Variants in TFDP2 observed in about 807,000 individuals in gnomAD.
The protein encoded by TFDP2 is transcription factor Dp-2 (E2F dimerization partner 2).
TFDP2 carries 17 observed loss-of-function variants against 59.3 expected under a neutral mutation model. The observed-to-expected ratio is 0.29, with a 90% CI of 0.20 to 0.43. The LOEUF (loss-of-function observed/expected upper bound fraction) is 0.43. TFDP2 is among the 20% of genes least tolerant of loss of function. The probability of loss-of-function intolerance (pLI) is 1.00; values close to 1 mark genes in which losing one functional copy is unlikely to be tolerated. For synonymous variants in TFDP2, 180 were observed against 194.7 expected, an observed-to-expected ratio of 0.92 and a Z score of 0.63; for missense variants, 391 against 528.8, an observed-to-expected ratio of 0.74 and a Z score of 2.56.
intron 3 of TFDP2, among the ~76,000 whole-genome samples, chr3:142,005,825 CAGTT>C (rs1373167154): frequency 1.3e-5 from 2 of 152,220 alleles, no homozygotes; most frequent in East Asian, 1.9e-4. Flanking sequence ...ACGAAACTTT[CAGTT>C]AGTCTTTTAG....
intron 3 of TFDP2, among the ~76,000 whole-genome samples, chr3:142,066,003 T>G (rs1273727340): frequency 6.6e-6 from 1 of 152,196 alleles, no homozygotes; most frequent in Non-Finnish European, 1.5e-5. Context: ...TTTTAAACAC[T>G]GAAGTAATTT....
At chr3:142,126,379 C>T (rs928984236) in intron 1 of TFDP2, 7 of 151,886 alleles carry the variant, frequency 4.6e-5, no homozygotes, top group Non-Finnish European at 1.0e-4. Context: ...AAGGTGGCGA[C>T]GTTACTTCAT....
Position 141,947,599 on chromosome 3 carries a change from G to T in TFDP2, c.*4914C>A, listed in dbSNP as rs998743561. On this transcript the variant is annotated 3_prime_UTR_variant, in exon 13 of 13. Transcript: ENST00000489671. ...CCGGCTAATTTTTGTATTTTCTAAT[G>T]ATTTTTCTACTGCATAGATTCAGTT... is the stretch of plus-strand genomic sequence containing the variant. 6.6e-6 allele frequency: 1 copy of T among 152,078 alleles called. No homozygotes were observed. The highest frequency in any genetic ancestry group is 2.4e-5 in the African/African-American group (1 of 41,416). 9.4% of individuals were successfully genotyped at this position (152,078 alleles called of 1,614,324 possible). A position where few individuals can be genotyped will look rare whatever the true frequency, so the allele number is the denominator to read the frequency against.
At chr3:142,031,970 C>G (rs900921537) in intron 3 of TFDP2, among the ~76,000 whole-genome samples, 2 of 152,154 alleles carry the variant, frequency 1.3e-5, no homozygotes, top group Non-Finnish European at 2.9e-5. Flanking sequence ...ACACCTAAAG[C>G]AAAAACTTTC....
At chr3:142,002,317 GTT>G (rs750047190) in intron 4 of TFDP2, among the ~76,000 whole-genome samples, 6,582 of 106,700 alleles carry the variant, frequency 0.062, 132 homozygotes, top group Middle Eastern at 0.1. Context: ...TATTTTTAGT[GTT>G]TTTTTTTTTT....
At chr3:142,032,476 T>G (rs9842652) in intron 3 of TFDP2, among the ~76,000 whole-genome samples, 15,800 of 152,216 alleles carry the variant, frequency 0.1, 1,297 homozygotes, top group East Asian at 0.39. Flanking sequence ...CTCTAGAGGA[T>G]GTGACCTATA....
At chr3:142,048,274 G>A (rs920530178) in intron 3 of TFDP2, among the ~76,000 whole-genome samples, 1 of 151,952 alleles carries the variant, frequency 6.6e-6, no homozygotes, top group Admixed American at 6.5e-5. Context: ...AATTAGCTGG[G>A]CATGGTGGCA....
At chr3:142,031,938 T>C (rs537679138) in intron 3 of TFDP2, among the ~76,000 whole-genome samples, 19 of 91,410 alleles carry the variant, frequency 2.1e-4, no homozygotes, top group African/African-American at 4.8e-4. Context: ...AAGTAAAATA[T>C]TGAATCTTCC....
At chr3:142,074,173 C>T (rs1029988114) in intron 3 of TFDP2, among the ~76,000 whole-genome samples, 4 of 151,914 alleles carry the variant, frequency 2.6e-5, no homozygotes, top group Admixed American at 1.3e-4. Context: ...TTTGGGAGGC[C>T]GAGGGCGGGT....
chr3:141,973,121 A>ATTTTT (rs1231433469), intron 8 of TFDP2, among the ~76,000 whole-genome samples: 2 of 57,396 alleles, frequency 3.5e-5, no homozygotes, highest in Non-Finnish European at 8.2e-5. Flanking sequence ...ATATATATAT[A>ATTTTT]TATTTTTTTT....
intron 6 of TFDP2, among the ~76,000 whole-genome samples, chr3:141,984,316 G>A (rs542579434): frequency 4.3e-4 from 66 of 152,164 alleles, no homozygotes; most frequent in African/African-American, 1.1e-3. Flanking sequence ...CCTGGCCAAC[G>A]TGGTGAAACC....
At chr3:142,033,268 T>C (rs1169069741) in intron 3 of TFDP2, among the ~76,000 whole-genome samples, 1 of 152,226 alleles carries the variant, frequency 6.6e-6, no homozygotes. Flanking sequence ...TGTCAAGTGC[T>C]CTATGGAGCT....
intron 1 of TFDP2, among the ~76,000 whole-genome samples, chr3:142,137,050 C>A (rs1044136387): frequency 6.6e-6 from 1 of 151,928 alleles, no homozygotes; most frequent in Admixed American, 6.6e-5. Flanking sequence ...TGTTTGTGTC[C>A]TCTTTTATTT....
At chr3:141,958,855 T>A (rs1309069586) in intron 11 of TFDP2, among the ~76,000 whole-genome samples, 1 of 151,782 alleles carries the variant, frequency 6.6e-6, no homozygotes, top group Non-Finnish European at 1.5e-5. Context: ...AGTCCACTCC[T>A]CCTCTCTGAA....
chr3:141,970,175 T>G, intron 8 of TFDP2, 34 bp from the exon 9 acceptor site: 4 of 1,589,490 alleles, frequency 2.5e-6, no homozygotes, highest in Non-Finnish European at 3.5e-6. Context: ...AATATGAACA[T>G]AGGTAGACTA....
chr3:141,991,695 G>A (rs1411240772), intron 6 of TFDP2, among the ~76,000 whole-genome samples: 2 of 152,128 alleles, frequency 1.3e-5, no homozygotes, highest in Admixed American at 6.5e-5. Flanking sequence ...GATGCAGTGA[G>A]CCAAGATTGC....
intron 3 of TFDP2, among the ~76,000 whole-genome samples, chr3:142,006,018 T>A (rs1376680462): frequency 6.6e-6 from 1 of 152,196 alleles, no homozygotes; most frequent in African/African-American, 2.4e-5. Context: ...AAAGCTAACA[T>A]ATTTTCAAAC....
At chr3:142,006,374 T>C (rs1259671165) in intron 3 of TFDP2, among the ~76,000 whole-genome samples, 1 of 152,098 alleles carries the variant, frequency 6.6e-6, no homozygotes, top group Non-Finnish European at 1.5e-5. Flanking sequence ...AAGCAACATT[T>C]AAGGGTAGGA....
At chr3:142,023,138 A>AAAAAAGAAAAAGAAAAGAAAAAG (rs1560050643) in intron 3 of TFDP2, among the ~76,000 whole-genome samples, 4 of 150,238 alleles carry the variant, frequency 2.7e-5, no homozygotes, top group African/African-American at 9.7e-5. Context: ...AAAAAAAAAA[A>AAAAAAGAAAAAGAAAAGAAAAAG]AAAAAGAAAA....
Sources: allele counts gnomAD v4.1 joint callset (sites outside exome capture counted in the v4.1 genomes callset), GRCh38; gene constraint gnomAD v4.1.1; transcripts MANE v1.5; gene names NCBI Gene and HGNC (gene_info 2026-07-23, HGNC 2026-07-21).